CTNNA3: variants seen among roughly 807,000 people sequenced by gnomAD.
The protein encoded by CTNNA3 is catenin alpha-3.
In CTNNA3, 76 loss-of-function variants were observed where a neutral mutation model predicts 95.7. The observed-to-expected ratio is 0.79, with a 90% CI of 0.66 to 0.96. The LOEUF (loss-of-function observed/expected upper bound fraction) is 0.96. Ranked by LOEUF, CTNNA3 falls within the 40% of genes least tolerant of loss-of-function variation. CTNNA3 has a pLI of 0.00. For missense variants in CTNNA3, 1,191 were observed against 1,089.8 expected, an observed-to-expected ratio of 1.09 and a Z score of -1.31; for synonymous variants, 431 against 374.4, an observed-to-expected ratio of 1.15 and a Z score of -1.74.
At chr10:66,183,799 C>T (rs762809415) in intron 13 of CTNNA3, among the ~76,000 whole-genome samples, 2 of 151,912 alleles carry the variant, frequency 1.3e-5, no homozygotes, top group Non-Finnish European at 2.9e-5. Context: ...CAATTATATA[C>T]CAATTATCTT....
chr10:67,393,003 A>G (rs1844566814), intron 5 of CTNNA3, among the ~76,000 whole-genome samples: 1 of 152,132 alleles, frequency 6.6e-6, no homozygotes, highest in South Asian at 2.1e-4. Flanking sequence ...ACATGTATAC[A>G]TATGTAACTA....
intron 7 of CTNNA3, among the ~76,000 whole-genome samples, chr10:66,850,867 A>C (rs1376309380): frequency 6.6e-6 from 1 of 152,170 alleles, no homozygotes; most frequent in East Asian, 1.9e-4. Context: ...ATGTAGCATG[A>C]TATTTCCTTC....
At chr10:66,499,671 T>G (rs1416391745) in intron 11 of CTNNA3, among the ~76,000 whole-genome samples, 1 of 152,150 alleles carries the variant, frequency 6.6e-6, no homozygotes, top group East Asian at 1.9e-4. Context: ...AATTAAGGAA[T>G]TCTCTGTGAC....
At chr10:66,867,256 TGTG>T (rs1844216260) in intron 7 of CTNNA3, among the ~76,000 whole-genome samples, 2 of 152,344 alleles carry the variant, frequency 1.3e-5, no homozygotes, top group Middle Eastern at 3.4e-3. Flanking sequence ...AAAAACTCCA[TGTG>T]TATTAGCATT....
chr10:66,611,762 C>G (rs1218951526), intron 10 of CTNNA3, among the ~76,000 whole-genome samples: 1 of 152,140 alleles, frequency 6.6e-6, no homozygotes, highest in Non-Finnish European at 1.5e-5. Context: ...GCCACACTTC[C>G]CTGACTTTCC....
chr10:67,714,753 C>T (rs1370773470), intron 1 of CTNNA3, among the ~76,000 whole-genome samples: 3 of 152,186 alleles, frequency 2.0e-5, no homozygotes, highest in Admixed American at 6.5e-5. Context: ...TGAATTCCCA[C>T]ATATTGTGGG....
intron 10 of CTNNA3, among the ~76,000 whole-genome samples, chr10:66,564,678 A>G (rs1213941930): frequency 3.3e-5 from 5 of 152,192 alleles, no homozygotes; most frequent in Admixed American, 2.6e-4. Context: ...TTATGCTATC[A>G]TATCCTGACA....
At chr10:66,792,449 C>T (rs537904959) in intron 7 of CTNNA3, among the ~76,000 whole-genome samples, 1 of 152,028 alleles carries the variant, frequency 6.6e-6, no homozygotes, top group African/African-American at 2.4e-5. Flanking sequence ...CTAGGTGGGG[C>T]CTAAAATTCT....
chr10:67,559,142 T>C (rs1233432857), intron 3 of CTNNA3, among the ~76,000 whole-genome samples: 1 of 152,150 alleles, frequency 6.6e-6, no homozygotes, highest in Admixed American at 6.5e-5. Flanking sequence ...GCAGTGCTTC[T>C]CCCAGCACGC....
At chr10:66,152,821 T>C (rs1010187959) in intron 13 of CTNNA3, among the ~76,000 whole-genome samples, 2 of 152,040 alleles carry the variant, frequency 1.3e-5, no homozygotes, top group Non-Finnish European at 1.5e-5. Flanking sequence ...TTTCTCTTTA[T>C]TGAAAGTAGT....
In CTNNA3 at chr10:67,429,656, CA is replaced by C. The variant is rs531264447; in HGVS notation, c.579+92185del. ...CATCAAGAAAAAGTATAAAAACATC[CA>C]AATCCCTTATTTTTGCCTGATCAAT... On this transcript the variant is annotated intron_variant, in intron 5 of 17. Coordinates refer to ENST00000433211, the MANE Select transcript of CTNNA3 (RefSeq NM_013266.4). Among the ~76,000 whole-genome samples the C allele has an allele frequency of 2.6e-5, 4 of 151,978 alleles. No individual in the cohort carries two copies. The South Asian group carries it at 8.3e-4, about 31-fold the overall frequency.
intron 1 of CTNNA3, among the ~76,000 whole-genome samples, chr10:67,695,461 C>A (rs192682394): frequency 0.017 from 2,549 of 152,192 alleles, 28 homozygotes; most frequent in Non-Finnish European, 0.025. Flanking sequence ...TATAACTGGT[C>A]ATCAAACAGT....
At chr10:66,967,984 G>A (rs1849528611) in intron 7 of CTNNA3, among the ~76,000 whole-genome samples, 1 of 151,968 alleles carries the variant, frequency 6.6e-6, no homozygotes, top group South Asian at 2.1e-4. Flanking sequence ...CTACTGAATT[G>A]GATTTGTCCT....
At chr10:66,051,251 G>T (rs561068690) in intron 15 of CTNNA3, among the ~76,000 whole-genome samples, 1 of 152,246 alleles carries the variant, frequency 6.6e-6, no homozygotes, top group Admixed American at 6.5e-5. Context: ...TCCAAATTCA[G>T]ATTTTGTTTT....
At chr10:66,778,272 T>A (rs1046095467) in intron 7 of CTNNA3, among the ~76,000 whole-genome samples, 2 of 152,182 alleles carry the variant, frequency 1.3e-5, no homozygotes, top group African/African-American at 4.8e-5. Context: ...TGCCTCTTTA[T>A]TCCTTTTGCA....
intron 14 of CTNNA3, among the ~76,000 whole-genome samples, chr10:66,071,232 A>G (rs560578676): frequency 6.6e-6 from 1 of 152,332 alleles, no homozygotes. Context: ...TCTCTGATAT[A>G]TATCGCCAGG....
At chr10:67,293,005 T>C (rs1054514492) in intron 5 of CTNNA3, among the ~76,000 whole-genome samples, 1 of 152,018 alleles carries the variant, frequency 6.6e-6, no homozygotes, top group Non-Finnish European at 1.5e-5. Flanking sequence ...TTGAATCATA[T>C]AAATTCCTAA....
At chr10:66,138,124 AAAT>A (rs1365209337) in intron 13 of CTNNA3, among the ~76,000 whole-genome samples, 4 of 152,162 alleles carry the variant, frequency 2.6e-5, no homozygotes, top group African/African-American at 7.2e-5. Flanking sequence ...TATATGAAAG[AAAT>A]AATAATAAAC....
intron 12 of CTNNA3, among the ~76,000 whole-genome samples, chr10:66,321,819 A>G (rs1472278150): frequency 6.6e-6 from 1 of 152,142 alleles, no homozygotes; most frequent in East Asian, 1.9e-4. Flanking sequence ...TTTATGCTGA[A>G]GCCAAGGAAA....
Sources: gnomAD v4.1 joint callset for allele counts (sites outside exome capture counted in the v4.1 genomes callset) on GRCh38, gnomAD v4.1.1 for gene constraint, MANE v1.5 for transcripts, NCBI Gene and HGNC (gene_info 2026-07-23, HGNC 2026-07-21) for gene names.